Variants in CHFR observed in about 807,000 individuals in gnomAD.
CHFR encodes E3 ubiquitin-protein ligase CHFR.
Under a neutral mutation model 87.6 loss-of-function variants are expected in CHFR, and 57 were observed. The ratio of observed to expected loss-of-function variants is 0.65; its 90% CI spans 0.53 to 0.81. CHFR has a LOEUF of 0.81. Ranked by LOEUF, CHFR falls within the 30% of genes least tolerant of loss-of-function variation. CHFR has a pLI of 0.00. For synonymous variants in CHFR, 381 were observed against 359.2 expected (o/e 1.06, Z -0.69); for missense variants, 797 against 865.8 (o/e 0.92, Z 1.00).
chr12:132,861,479 T>A lies in CHFR; in HGVS notation c.739A>T (p.Lys247Ter), dbSNP rs1221100387. The part of the protein sequence containing the change: ...DQEDLEPVKK[K>*]MRGDGDLDLN... ...ACCAGACACTAACCTCCTCTCATTT[T>A]CTTCTTCACGGGCTCCAAATCCTCC... is the stretch of plus-strand genomic sequence containing the variant. The change falls in exon 7 of 18, where the codon AAA becomes TAA. Residue 247 changes from lysine (K) to a stop codon, truncating the protein, a stop_gained. Coordinates refer to ENST00000450056, the MANE Select transcript of CHFR (RefSeq NM_001161346.2). LOFTEE classifies it high-confidence loss of function. 2 of 1,614,046 alleles carry A rather than the reference T, an allele frequency of 1.2e-6. No homozygotes were observed. The highest frequency in any genetic ancestry group is 2.7e-5 in the African/African-American group (2 of 74,922).
chr12:132,859,193 G>A lies in CHFR; in HGVS notation c.786C>T (p.Val262=), dbSNP rs115431373. ...GDLDLNGQLL[V]AQPRRNAQTV... ...TTTGGGCATTTCTACGCGGTTGTGCGACCAACAACTGCCCGTTCAGGTCAA... is the reference window on the plus strand; with the variant it reads ...TTTGGGCATTTCTACGCGGTTGTGCAACCAACAACTGCCCGTTCAGGTCAA... Residue 262 remains valine, a synonymous_variant, in exon 8 of 18, where the codon GTC becomes GTT. Transcript: ENST00000450056. 1.1e-4 allele frequency: 170 copies of A among 1,613,828 alleles called. No homozygotes were observed. Among genetic ancestry groups the A allele is most frequent in the African/African-American group, 4.3e-4 (32 of 75,044 alleles).
chr12:132,859,801 G>T (rs930282447), intron 7 of CHFR, among the ~76,000 whole-genome samples: 2 of 152,128 alleles, frequency 1.3e-5, no homozygotes, highest in Non-Finnish European at 2.9e-5. Context: ...CAGCACTTTG[G>T]GAGGCTGAGG....
intron 6 of CHFR, among the ~76,000 whole-genome samples, chr12:132,862,998 G>A (rs112570077): frequency 0.02 from 3,042 of 150,664 alleles, 48 homozygotes; most frequent in South Asian, 0.034. Flanking sequence ...CCTGGTTCAC[G>A]CCATTCTCCT....
intron 2 of CHFR, among the ~76,000 whole-genome samples, chr12:132,886,845 G>A (rs900412742): frequency 6.6e-6 from 1 of 152,068 alleles, no homozygotes; most frequent in African/African-American, 2.4e-5. Flanking sequence ...TTAAGAGTGT[G>A]GTGTTTCATG....
intron 3 of CHFR, among the ~76,000 whole-genome samples, chr12:132,876,178 A>G (rs1490707919): frequency 1.3e-5 from 2 of 151,986 alleles, no homozygotes; most frequent in Non-Finnish European, 2.9e-5. Flanking sequence ...CATCTCAAAA[A>G]AAAAAAAGAA....
chr12:132,851,644 T>A lies in CHFR; in HGVS notation c.1466A>T (p.Gln489Leu), dbSNP rs773617183. Residue 489 changes from glutamine (Q) to leucine (L), a missense_variant, in exon 12 of 18, where the codon CAG (glutamine) becomes CTG (leucine). This residue lies in a region of CHFR where 200 missense variants were observed against 264.6 expected (regional missense o/e 0.76). Transcript: ENST00000450056. ...CTGCTGAGGGGCGACACGCGGGTCC[T>A]GCTCGCGCTCCGCTCTCCGGTCGGG... ...PMPDRRAEREQDPRVAPQQCA... is the reference protein window; with the variant it reads ...PMPDRRAERELDPRVAPQQCA... 3 of 1,612,736 alleles carry A rather than the reference T, an allele frequency of 1.9e-6. No homozygotes were observed. The South Asian group carries it at 3.3e-5, about 18-fold the overall frequency.
At chr12:132,848,898 T>C (rs1280313640) in intron 12 of CHFR, 174 bp from the exon 13 acceptor site, 1 of 566,762 alleles carries the variant, frequency 1.8e-6, no homozygotes, top group Non-Finnish European at 3.2e-6. Context: ...TGTGATGGAC[T>C]GTGATGGCGA....
In CHFR at chr12:132,860,288, A is replaced by G. The variant is rs117389842; in HGVS notation, c.752-1061T>C. ...TCTGTCCTGAGACACCCCTGCCAAC[A>G]TTACATTAACAGATTACATTAGTTC... On this transcript the variant is annotated intron_variant, in intron 7 of 17. Transcript: ENST00000450056. Among the ~76,000 whole-genome samples the G allele has an allele frequency of 3.2e-3, 487 of 152,294 alleles. 13 individuals are homozygous for G. The East Asian group carries it at 0.086, about 27-fold the overall frequency.
intron 10 of CHFR, chr12:132,853,839 C>A (rs1266359852): frequency 2.1e-6 from 1 of 475,494 alleles, no homozygotes; most frequent in Non-Finnish European, 3.7e-6. Flanking sequence ...TAGGTCCCCA[C>A]TGACGTGTGC....
intron 12 of CHFR, chr12:132,849,599 CTT>C (rs35855109): frequency 9.1e-5 from 13 of 142,636 alleles, no homozygotes; most frequent in Middle Eastern, 3.6e-3. Context: ...ATTCAGGTGG[CTT>C]TTTTTTTTTT....
chr12:132,868,343 A>G (rs1003382973), intron 6 of CHFR, among the ~76,000 whole-genome samples: 1 of 152,176 alleles, frequency 6.6e-6, no homozygotes, highest in African/African-American at 2.4e-5. Context: ...ACAAAAAATT[A>G]GCCAGGCGTG....
intron 3 of CHFR, among the ~76,000 whole-genome samples, chr12:132,873,814 C>T (rs1304619269): frequency 6.6e-6 from 1 of 152,242 alleles, no homozygotes; most frequent in Non-Finnish European, 1.5e-5. Context: ...CTGCAGCCAT[C>T]ACTCATCCTC....
chr12:132,861,509 C>T lies in CHFR; in HGVS notation c.709G>A (p.Asp237Asn), dbSNP rs147803776. Residue 237 changes from aspartate to asparagine, a missense_variant, in exon 7 of 18, where the codon GAT (aspartate) becomes AAT (asparagine). Asp to Asn is a conservative substitution (Grantham distance 23). Transcript: ENST00000450056. ...TASFSSLEPQDQEDLEPVKKK... is the reference protein window; with the variant it reads ...TASFSSLEPQNQEDLEPVKKK... Reference sequence around the variant, plus strand: ...TTCACGGGCTCCAAATCCTCCTGATCCTGGGGTTCCAACGACGAAAAGGAC... The same window carrying T: ...TTCACGGGCTCCAAATCCTCCTGATTCTGGGGTTCCAACGACGAAAAGGAC... 1.2e-6 allele frequency: 2 copies of T among 1,614,072 alleles called. No individual in the cohort carries two copies. The highest frequency in any genetic ancestry group is 1.3e-5 in the African/African-American group (1 of 74,928).
Position 132,853,516 on chromosome 12 carries a change from A to G in CHFR, c.1287T>C (p.Pro429=). 6.5e-7 allele frequency: 1 copy of G among 1,530,332 alleles called. No homozygotes were observed. Among genetic ancestry groups the G allele is most frequent in the African/African-American group, 1.4e-5 (1 of 71,548 alleles). 94.8% of individuals were successfully genotyped at this position (1,530,332 alleles called of 1,614,324 possible). ...CPEYRRQAAQ[P]PHCPAPEGEP... ...CGCCCTCGGGTGCTGGGCAGTGGGGAGGCTGCGCCGCCTGCCTTCTGTACT... is the reference window on the plus strand; with the variant it reads ...CGCCCTCGGGTGCTGGGCAGTGGGGGGGCTGCGCCGCCTGCCTTCTGTACT... The change falls in exon 11 of 18, where the codon CCT becomes CCC. Residue 429 remains proline (P), a synonymous_variant. Coordinates refer to ENST00000450056, the MANE Select transcript of CHFR (RefSeq NM_001161346.2).
At chr12:132,844,443 C>A (rs1400901384) in intron 15 of CHFR, among the ~76,000 whole-genome samples, 1 of 144,334 alleles carries the variant, frequency 6.9e-6, no homozygotes, top group Non-Finnish European at 1.6e-5. Context: ...CGCCACCACA[C>A]CGGGCTAATT....
intron 6 of CHFR, among the ~76,000 whole-genome samples, chr12:132,868,845 G>A (rs1312787418): frequency 1.4e-4 from 10 of 73,508 alleles, no homozygotes; most frequent in Non-Finnish European, 2.0e-4. Flanking sequence ...GTGACTGCTG[G>A]TGGGGCCGAG....
At position 132,833,972 on chromosome 12, in the gene CHFR, C is replaced by G. The variant is rs374909665; in HGVS notation, c.*7582G>C. ...GTGCGTGACAAGGAGGACCAATGCA[C>G]GCACAGATCTGGGAGAAGAGCAGTG... is the stretch of plus-strand genomic sequence containing the variant. On this transcript the variant is annotated 3_prime_UTR_variant, in exon 18 of 18. Transcript: ENST00000450056. 1 of 152,206 alleles carries G rather than the reference C, an allele frequency of 6.6e-6. No homozygotes were observed. Among genetic ancestry groups the G allele is most frequent in the African/African-American group, 2.4e-5 (1 of 41,402 alleles). 9.4% of individuals were successfully genotyped at this position (152,206 alleles called of 1,614,324 possible). A position where few individuals can be genotyped will look rare whatever the true frequency, so the allele number is the denominator to read the frequency against.
rs1446377947 is a variant in CHFR at position 132,877,581 on chromosome 12, T to G, written c.207A>C (p.Ser69=). ...DHCRIVVDEK[S]GQVTLEDTST... ...TGGTATCTTCCAGTGTCACCTGACCTGATTTTTCATCCACTACAATTCTAC... is the reference window on the plus strand; with the variant it reads ...TGGTATCTTCCAGTGTCACCTGACCGGATTTTTCATCCACTACAATTCTAC... Residue 69 remains serine (S), a synonymous_variant, in exon 3 of 18, where the codon TCA becomes TCC. Transcript: ENST00000450056. The G allele has an allele frequency of 6.2e-7, 1 of 1,612,952 alleles. No individual in the cohort carries two copies.
In CHFR at chr12:132,833,200, T is replaced by C. The variant is rs1309799069; in HGVS notation, c.*8354A>G. On this transcript the variant is annotated 3_prime_UTR_variant, in exon 18 of 18. Coordinates refer to ENST00000450056, the MANE Select transcript of CHFR (RefSeq NM_001161346.2). ...GCGGGGGGTCCCTGCTTTGGTCCAG[T>C]TTCATGTTTGTGTGTGGATACCTTC... 1 of 152,136 alleles carries C rather than the reference T, an allele frequency of 6.6e-6. No individual in the cohort carries two copies. The highest frequency in any genetic ancestry group is 1.5e-5 in the Non-Finnish European group (1 of 68,056). 9.4% of individuals were successfully genotyped at this position (152,136 alleles called of 1,614,324 possible). A position where few individuals can be genotyped will look rare whatever the true frequency, so the allele number is the denominator to read the frequency against.
Sources: gnomAD v4.1 joint callset for allele counts (sites outside exome capture counted in the v4.1 genomes callset) on GRCh38, gnomAD v4.1.1 for gene constraint, gnomAD v4.1.1 regional missense constraint, MANE v1.5 for transcripts, NCBI Gene and HGNC (gene_info 2026-07-23, HGNC 2026-07-21) for gene names.